MSH3: variants seen among roughly 807,000 people sequenced by gnomAD.
MSH3 encodes the protein mutS homolog 3, also known as DNA mismatch repair protein Msh3.
In MSH3, 106 loss-of-function variants were observed where a neutral mutation model predicts 123.3. The observed-to-expected ratio is 0.86, with a 90% CI of 0.73 to 1.01. The LOEUF is 1.01. Among genes scored for constraint, MSH3 ranks in the 50% least tolerant of loss-of-function variants. The pLI, the probability that MSH3 is intolerant of heterozygous loss-of-function variation, is 0.00. For missense variants in MSH3, 1,459 were observed against 1,347.6 expected, an observed-to-expected ratio of 1.08 and a Z score of -1.29; for synonymous variants, 515 against 481.4, an observed-to-expected ratio of 1.07 and a Z score of -0.91.
At chr5:80,678,670 C>T (rs975427112) in intron 7 of MSH3, among the ~76,000 whole-genome samples, 3 of 152,090 alleles carry the variant, frequency 2.0e-5, no homozygotes, top group African/African-American at 7.2e-5. Context: ...ATAGTCACTC[C>T]GTTAGGTATA....
In MSH3 at chr5:80,670,089, G is replaced by C. The variant is rs1226859962; in HGVS notation, c.580-8G>C. On this transcript the variant is annotated splice_region_variant and splice_polypyrimidine_tract_variant and intron_variant, in intron 3 of 23. Coordinates refer to ENST00000265081, the MANE Select transcript of MSH3 (RefSeq NM_002439.5). ...TTTTTAAAACTTTATACATCTTTTG[G>C]TTGCCAGGACACAACACTTTTTGAT... 3.1e-6 allele frequency: 5 copies of C among 1,613,552 alleles called. No homozygotes were observed. The highest frequency in any genetic ancestry group is 1.7e-4 in the Middle Eastern group (1 of 6,060).
intron 8 of MSH3, among the ~76,000 whole-genome samples, chr5:80,689,008 G>T (rs1750165929): frequency 1.3e-5 from 2 of 152,162 alleles, no homozygotes; most frequent in African/African-American, 4.8e-5. Flanking sequence ...GTAGCATATA[G>T]ATATGAATAA....
chr5:80,849,256 A>C (rs1745787590), intron 20 of MSH3, among the ~76,000 whole-genome samples: 1 of 151,934 alleles, frequency 6.6e-6, no homozygotes, highest in African/African-American at 2.4e-5. Flanking sequence ...AGCTTCTTTC[A>C]CAGGCTGACA....
intron 8 of MSH3, among the ~76,000 whole-genome samples, chr5:80,703,701 A>G (rs1750658306): frequency 6.6e-6 from 1 of 152,136 alleles, no homozygotes; most frequent in African/African-American, 2.4e-5. Flanking sequence ...AACAGTGCAC[A>G]GATTTTACTT....
chr5:80,696,695 A>G, intron 8 of MSH3, among the ~76,000 whole-genome samples: 1 of 152,156 alleles, frequency 6.6e-6, no homozygotes, highest in East Asian at 1.9e-4. Context: ...GAGTGGGGAA[A>G]CATATCTCCA....
chr5:80,830,255 G>C (rs1050584527), intron 20 of MSH3, among the ~76,000 whole-genome samples: 1 of 151,726 alleles, frequency 6.6e-6, no homozygotes, highest in African/African-American at 2.4e-5. Context: ...ATCATTTATT[G>C]TCTTCTGCCT....
At chr5:80,666,393 C>T (rs1319139993) in intron 3 of MSH3, among the ~76,000 whole-genome samples, 1 of 152,164 alleles carries the variant, frequency 6.6e-6, no homozygotes, top group Non-Finnish European at 1.5e-5. Flanking sequence ...AGATTTCACA[C>T]CTTTCCCACA....
At position 80,725,510 on chromosome 5, in the gene MSH3, C is replaced by T. The variant is rs1580587448; in HGVS notation, c.1398C>T (p.Ser466=). 6.2e-7 allele frequency: 1 copy of T among 1,613,848 alleles called. No homozygotes were observed. Among genetic ancestry groups the T allele is most frequent in the Non-Finnish European group, 8.5e-7 (1 of 1,179,882 alleles). ...ERMDNIYFEY[S]HAFQAVTEFY... ...TGGATAACATTTATTTTGAATACAGCCATGCTTTCCAGGCAGTTACAGAGT... is the reference window on the plus strand; with the variant it reads ...TGGATAACATTTATTTTGAATACAGTCATGCTTTCCAGGCAGTTACAGAGT... Residue 466 remains serine (S), a synonymous_variant, in exon 9 of 24, where the codon AGC becomes AGT. Transcript: ENST00000265081.
In MSH3 at chr5:80,833,207, T is replaced by C. The variant is rs1006720124; in HGVS notation, c.2813+19466T>C. Reference sequence around the variant, plus strand: ...AAAAATATCAGAGTGATTTTTTTTTTCCTTAATCACATAACTGTAACCTTC... The same window carrying C: ...AAAAATATCAGAGTGATTTTTTTTTCCCTTAATCACATAACTGTAACCTTC... On this transcript the variant is annotated intron_variant, in intron 20 of 23. Coordinates refer to ENST00000265081, the MANE Select transcript of MSH3 (RefSeq NM_002439.5). Among the ~76,000 whole-genome samples the C allele has an allele frequency of 9.9e-5, 15 of 152,220 alleles. No homozygotes were observed. The East Asian group carries it at 1.2e-3, about 12-fold the overall frequency.
chr5:80,741,397 T>C, intron 10 of MSH3, 67 bp from the exon 11 acceptor site: 1 of 1,035,776 alleles, frequency 9.7e-7, no homozygotes, highest in Non-Finnish European at 1.5e-6. Context: ...TGTTTCTAGT[T>C]CCTGAATTAG....
chr5:80,735,553 G>A (rs1254873383), intron 10 of MSH3, among the ~76,000 whole-genome samples: 9 of 151,920 alleles, frequency 5.9e-5, no homozygotes, highest in Middle Eastern at 3.4e-3. Flanking sequence ...CCACACTGGT[G>A]GCGGGCACCT....
At chr5:80,841,749 G>A (rs1409877546) in intron 20 of MSH3, among the ~76,000 whole-genome samples, 1 of 152,130 alleles carries the variant, frequency 6.6e-6, no homozygotes, top group Non-Finnish European at 1.5e-5. Flanking sequence ...TTTTGATGGG[G>A]TTGTTTGTTT....
At chr5:80,812,584 CTTTT>C (rs11415035) in intron 19 of MSH3, among the ~76,000 whole-genome samples, 1 of 123,652 alleles carries the variant, frequency 8.1e-6, no homozygotes, top group Admixed American at 8.7e-5. Context: ...CTGGTTCTGG[CTTTT>C]TTTTTTTTTT....
At position 80,744,598 on chromosome 5, in the gene MSH3, G is replaced by A. The variant is rs755771844; in HGVS notation, c.1746G>A (p.Gln582=). ...GRRKLKKWVT[Q]PLLKLREINA... ...GGAAGTTAAAGAAGTGGGTGACCCA[G>A]CCACTCCTTAAATTAAGGTAAAAGG... Residue 582 remains glutamine (Q), a synonymous_variant, in exon 12 of 24, where the codon CAG becomes CAA. Coordinates refer to ENST00000265081, the MANE Select transcript of MSH3 (RefSeq NM_002439.5). The A allele has an allele frequency of 1.2e-6, 2 of 1,611,220 alleles. No homozygotes were observed. Among genetic ancestry groups the A allele is most frequent in the African/African-American group, 1.3e-5 (1 of 74,980 alleles).
chr5:80,860,078 C>T (rs1000256545), intron 21 of MSH3, among the ~76,000 whole-genome samples: 13 of 150,280 alleles, frequency 8.7e-5, no homozygotes, highest in Non-Finnish European at 1.2e-4. Context: ...CCATCACTGT[C>T]ATTTATTTCA....
chr5:80,822,568 C>T (rs1313132456), intron 20 of MSH3, among the ~76,000 whole-genome samples: 2 of 152,178 alleles, frequency 1.3e-5, no homozygotes, highest in Non-Finnish European at 2.9e-5. Flanking sequence ...TTCGATAATA[C>T]CGACTTCACA....
At chr5:80,657,490 CTGCCTGAG>C (rs1309850367) in intron 2 of MSH3, among the ~76,000 whole-genome samples, 4 of 152,092 alleles carry the variant, frequency 2.6e-5, no homozygotes, top group Non-Finnish European at 4.4e-5. Flanking sequence ...AAAACCCAGC[CTGCCTGAG>C]TGCCTGAGTT....
At position 80,761,239 on chromosome 5, in the gene MSH3, G is replaced by T. The variant is rs950824797; in HGVS notation, c.1764-307G>T. On this transcript the variant is annotated intron_variant, in intron 12 of 23. Coordinates refer to ENST00000265081, the MANE Select transcript of MSH3 (RefSeq NM_002439.5). ...TCCAACAAGACAGAACGAGAATCTT[G>T]CTAGTATGCTTCCCGCCTCACAGAC... Among the ~76,000 whole-genome samples, 10 of 152,164 alleles carry T rather than the reference G, an allele frequency of 6.6e-5. No homozygotes were observed. In the East Asian group the frequency reaches 1.9e-3, roughly 29 times the overall value.
At chr5:80,669,272 C>T (rs1677648) in intron 3 of MSH3, among the ~76,000 whole-genome samples, 1 of 151,984 alleles carries the variant, frequency 6.6e-6, no homozygotes, top group East Asian at 1.9e-4. Flanking sequence ...TCTCACTCTC[C>T]CCTCTTCTTT....
Sources: gnomAD v4.1 joint callset for allele counts (sites outside exome capture counted in the v4.1 genomes callset) on GRCh38, gnomAD v4.1.1 for gene constraint, MANE v1.5 for transcripts, NCBI Gene and HGNC (gene_info 2026-07-23, HGNC 2026-07-21) for gene names.